Variants in RAB38 observed in about 807,000 individuals in gnomAD.
The protein encoded by RAB38 is ras-related protein Rab-38.
In RAB38, 15 loss-of-function variants were observed where a neutral mutation model predicts 18.4. The ratio of observed to expected loss-of-function variants is 0.82; its 90% CI spans 0.55 to 1.26. RAB38 has a LOEUF of 1.26. Ranked by LOEUF, RAB38 falls within the 50% of genes most tolerant of loss-of-function variation. RAB38 has a pLI of 0.00. For synonymous variants in RAB38, 101 were observed against 104.4 expected (o/e 0.97, Z 0.20); for missense variants, 294 against 267.4 (o/e 1.10, Z -0.69).
chr11:88,043,965 T>A, the RAB38 span, among the ~76,000 whole-genome samples: 1 of 152,216 alleles, frequency 6.6e-6, no homozygotes, highest in Non-Finnish European at 1.5e-5. Flanking sequence ...CAACCTTTTT[T>A]TTACTCTCTT....
the RAB38 span, among the ~76,000 whole-genome samples, chr11:87,872,803 G>C: frequency 5.9e-5 from 9 of 151,526 alleles, no homozygotes; most frequent in Admixed American, 5.9e-4. Context: ...AACTTTTAAT[G>C]CTAGATAATA....
At chr11:87,941,212 GAGATATATATATATAT>G in the RAB38 span, among the ~76,000 whole-genome samples, 13 of 37,802 alleles carry the variant, frequency 3.4e-4, 1 homozygote, top group East Asian at 2.0e-3. Flanking sequence ...ATAAATATAT[GAGATATATATATATAT>G]ATATATATAT....
At chr11:88,113,227 A>C (rs1474947676), downstream of RAB38, 1 of 152,318 alleles carries the variant, frequency 6.6e-6, no homozygotes, top group Non-Finnish European at 1.5e-5. Context: ...CACAACACTA[A>C]GAAACTTAAA....
chr11:88,121,143 T>C (rs1405037071), intron 2 of RAB38, among the ~76,000 whole-genome samples: 1 of 152,204 alleles, frequency 6.6e-6, no homozygotes, highest in African/African-American at 2.4e-5. Flanking sequence ...TTATCTTTAG[T>C]GTTCCCTGGT....
the RAB38 span, among the ~76,000 whole-genome samples, chr11:87,962,337 C>T: frequency 6.6e-6 from 1 of 152,246 alleles, no homozygotes; most frequent in Non-Finnish European, 1.5e-5. Flanking sequence ...TCATATGTGA[C>T]TGCATGAATG....
At chr11:87,955,429 T>C in the RAB38 span, among the ~76,000 whole-genome samples, 1 of 152,124 alleles carries the variant, frequency 6.6e-6, no homozygotes, top group South Asian at 2.1e-4. Flanking sequence ...GGTGACATGA[T>C]CATCCGTATT....
At chr11:88,024,351 G>A in the RAB38 span, among the ~76,000 whole-genome samples, 2 of 152,134 alleles carry the variant, frequency 1.3e-5, no homozygotes, top group Admixed American at 6.5e-5. Context: ...CCTCACCCCA[G>A]TTAAAATGGC....
chr11:88,110,469 TA>T (rs1445352131), downstream of RAB38, among the ~76,000 whole-genome samples: 3 of 152,046 alleles, frequency 2.0e-5, no homozygotes, highest in Non-Finnish European at 2.9e-5. Context: ...CATGTATACC[TA>T]TATAACAAAC....
chr11:87,883,034 C>T, the RAB38 span, among the ~76,000 whole-genome samples: 2 of 151,762 alleles, frequency 1.3e-5, no homozygotes, highest in East Asian at 3.9e-4. Flanking sequence ...CTGTATGTTA[C>T]TTGTGATTGT....
the RAB38 span, among the ~76,000 whole-genome samples, chr11:87,909,258 A>G: frequency 6.6e-6 from 1 of 152,046 alleles, no homozygotes; most frequent in African/African-American, 2.4e-5. Flanking sequence ...AGTCAATGTA[A>G]GTACAATATC....
chr11:88,148,514 C>A (rs12279617), intron 2 of RAB38, among the ~76,000 whole-genome samples: 44,432 of 152,008 alleles, frequency 0.29, 7,387 homozygotes, highest in African/African-American at 0.44. Context: ...TCCAATCCGT[C>A]TTCTATAGTT....
chr11:87,808,657 T>A, the RAB38 span, among the ~76,000 whole-genome samples: 1 of 151,942 alleles, frequency 6.6e-6, no homozygotes, highest in Non-Finnish European at 1.5e-5. Flanking sequence ...AGAGTAGATT[T>A]TAAGTGTTTT....
At chr11:87,848,453 G>A in the RAB38 span, among the ~76,000 whole-genome samples, 1 of 152,102 alleles carries the variant, frequency 6.6e-6, no homozygotes, top group African/African-American at 2.4e-5. Flanking sequence ...AGCAAATTAA[G>A]CTTAAGCCTA....
chr11:88,078,179 A>T, the RAB38 span, among the ~76,000 whole-genome samples: 1 of 152,082 alleles, frequency 6.6e-6, no homozygotes, highest in African/African-American at 2.4e-5. Context: ...GCTTGCAAGG[A>T]TGTAGAGAAA....
At chr11:87,884,074 A>G in the RAB38 span, among the ~76,000 whole-genome samples, 15 of 152,080 alleles carry the variant, frequency 9.9e-5, no homozygotes, top group African/African-American at 3.6e-4. Context: ...ACTCTCTTAG[A>G]TGATTGAGCT....
the RAB38 span, among the ~76,000 whole-genome samples, chr11:87,918,768 TAA>T: frequency 6.6e-6 from 1 of 152,080 alleles, no homozygotes; most frequent in African/African-American, 2.4e-5. Flanking sequence ...TTTAGAATAT[TAA>T]GTCTTTATCA....
At chr11:87,861,630 T>C in the RAB38 span, among the ~76,000 whole-genome samples, 1 of 151,770 alleles carries the variant, frequency 6.6e-6, no homozygotes, top group African/African-American at 2.4e-5. Flanking sequence ...TAAGAGTGTT[T>C]TGAGAAAGCC....
At chr11:87,823,895 T>C in the RAB38 span, among the ~76,000 whole-genome samples, 1 of 152,122 alleles carries the variant, frequency 6.6e-6, no homozygotes, top group African/African-American at 2.4e-5. Context: ...TTATATAATA[T>C]CATAGAAAGC....
At chr11:87,884,794 T>C in the RAB38 span, among the ~76,000 whole-genome samples, 60 of 152,050 alleles carry the variant, frequency 3.9e-4, no homozygotes, top group Non-Finnish European at 7.8e-4. Context: ...TATCATGACA[T>C]TACCTGGATG....
Sources: gnomAD v4.1 joint callset for allele counts (sites outside exome capture counted in the v4.1 genomes callset) on GRCh38, gnomAD v4.1.1 for gene constraint, MANE v1.5 for transcripts, NCBI Gene and HGNC (gene_info 2026-07-23, HGNC 2026-07-21) for gene names.